PARD3B: variants seen among roughly 807,000 people sequenced by gnomAD.
The protein encoded by PARD3B is partitioning defective 3 homolog B.
A neutral mutation model predicts 130.2 loss-of-function variants in PARD3B; 103 were observed. The ratio of observed to expected loss-of-function variants is 0.79; its 90% confidence interval spans 0.67 to 0.93. PARD3B has a LOEUF of 0.93. Among genes scored for constraint, PARD3B ranks in the 40% least tolerant of loss-of-function variants. PARD3B has a pLI of 0.00. For missense variants in PARD3B, 1,609 were observed against 1,499.2 expected, an observed-to-expected ratio of 1.07 and a Z score of -1.21; for synonymous variants, 583 against 553.2, an observed-to-expected ratio of 1.05 and a Z score of -0.76.
intron 21 of PARD3B, among the ~76,000 whole-genome samples, chr2:205,509,986 C>T (rs573644593): frequency 6.6e-6 from 1 of 152,346 alleles, no homozygotes; most frequent in Admixed American, 6.5e-5. Flanking sequence ...CTCCTGTCCA[C>T]TCATCCTGTC....
At chr2:205,546,823 G>A (rs565089647) in intron 21 of PARD3B, among the ~76,000 whole-genome samples, 2 of 152,182 alleles carry the variant, frequency 1.3e-5, no homozygotes, top group East Asian at 3.9e-4. Flanking sequence ...CATGAATTAT[G>A]ATTTCTCCAT....
chr2:205,476,801 T>G (rs1051287439), intron 20 of PARD3B, among the ~76,000 whole-genome samples: 3 of 152,214 alleles, frequency 2.0e-5, no homozygotes, highest in Non-Finnish European at 4.4e-5. Context: ...AACAGTAATT[T>G]CATCTGCTGA....
intron 1 of PARD3B, among the ~76,000 whole-genome samples, chr2:204,562,831 AT>A (rs1037620483): frequency 0.016 from 2,335 of 148,616 alleles, 65 homozygotes; most frequent in African/African-American, 0.055. Flanking sequence ...AATAAAAAAA[AT>A]TTTTTTTTTT....
rs2029881124 is a variant in PARD3B, at chr2:204,545,780, G to T, written c.-220G>T. 2.2e-6 allele frequency: 1 copy of T among 463,016 alleles called. No individual in the cohort carries two copies. The highest frequency in any genetic ancestry group is 3.7e-6 in the Non-Finnish European group (1 of 269,202). The allele number at this position is 463,016 out of a possible 1,614,324, so 28.7% of individuals were successfully genotyped here. On this transcript the variant is annotated 5_prime_UTR_variant, in exon 1 of 23. Coordinates refer to ENST00000406610, the MANE Select transcript of PARD3B (RefSeq NM_001302769.2). ...TCCCGGGCCGCCGGGCACCTGGGAG[G>T]TAACCCCTTTCCGCGGCCGCCCCTC... is the stretch of plus-strand genomic sequence containing the variant.
rs751281115 is a variant in PARD3B at position 204,819,677 on chromosome 2, C to G, written c.222+133395C>G. Reference sequence around the variant, plus strand: ...AGCTAAACCTGTTGCACCAAACAGCCAAGATATGCATAGATAAAGTTCTCG... The same window carrying G: ...AGCTAAACCTGTTGCACCAAACAGCGAAGATATGCATAGATAAAGTTCTCG... On this transcript the variant is annotated intron_variant, in intron 2 of 22. Coordinates refer to ENST00000406610, the MANE Select transcript of PARD3B (RefSeq NM_001302769.2). 1.3e-5 allele frequency among the ~76,000 whole-genome samples: 2 copies of G among 152,084 alleles called. 1 individual carries two copies. The highest frequency in any genetic ancestry group is 4.1e-4 in the South Asian group (2 of 4,824).
Position 205,595,130 on chromosome 2 carries a change from G to C in PARD3B, c.3261-20326G>C, listed in dbSNP as rs1385152367. Among the ~76,000 whole-genome samples the C allele has an allele frequency of 2.9e-5, 4 of 139,554 alleles. No homozygotes were observed. In the South Asian group the frequency reaches 9.9e-4, roughly 34 times the overall value. The allele number at this position is 139,554 out of a possible 152,430, so 91.6% of individuals were successfully genotyped here. On this transcript the variant is annotated intron_variant, in intron 22 of 22. Transcript: ENST00000406610. ...TGAGGCTCAGGAAGGGTATTTTCAT[G>C]AAGTGCCTCGCACAATTCAAGCCCA... is the stretch of plus-strand genomic sequence containing the variant.
intron 21 of PARD3B, among the ~76,000 whole-genome samples, chr2:205,545,882 T>A (rs545597717): frequency 2.0e-5 from 3 of 152,324 alleles, no homozygotes; most frequent in African/African-American, 7.2e-5. Flanking sequence ...TGGGGAATAT[T>A]GGGAGGTTAA....
At chr2:205,548,870 C>T (rs1487978599) in intron 21 of PARD3B, among the ~76,000 whole-genome samples, 1 of 152,024 alleles carries the variant, frequency 6.6e-6, no homozygotes, top group Admixed American at 6.6e-5. Context: ...GCAAAACACA[C>T]ATCTGATAAT....
chr2:205,613,997 T>C (rs563550554), intron 22 of PARD3B, among the ~76,000 whole-genome samples: 74 of 152,320 alleles, frequency 4.9e-4, no homozygotes, highest in African/African-American at 1.4e-3. Context: ...TTCCCTTAAT[T>C]ATTGTTGTTG....
chr2:205,057,687 G>GTATA (rs143046413), intron 4 of PARD3B, among the ~76,000 whole-genome samples: 2 of 121,506 alleles, frequency 1.6e-5, no homozygotes, highest in Non-Finnish European at 3.5e-5. Flanking sequence ...ATGTGTATAC[G>GTATA]TACATATACA....
At chr2:204,577,337 A>T (rs1334744041) in intron 1 of PARD3B, among the ~76,000 whole-genome samples, 1 of 152,172 alleles carries the variant, frequency 6.6e-6, no homozygotes, top group East Asian at 1.9e-4. Flanking sequence ...TCCAGGAAAC[A>T]TTTACTATTA....
chr2:204,911,865 A>G (rs947748846), intron 2 of PARD3B, among the ~76,000 whole-genome samples: 26 of 152,112 alleles, frequency 1.7e-4, no homozygotes, highest in African/African-American at 6.3e-4. Flanking sequence ...TACTTTAAAT[A>G]TATACAACTT....
At chr2:205,139,974 G>T (rs918296512) in intron 10 of PARD3B, among the ~76,000 whole-genome samples, 2 of 152,198 alleles carry the variant, frequency 1.3e-5, no homozygotes, top group Non-Finnish European at 1.5e-5. Context: ...AATACTGATC[G>T]CATGTGAATG....
chr2:205,179,212 ATGTGTT>A (rs967810704), intron 13 of PARD3B, among the ~76,000 whole-genome samples: 1 of 152,184 alleles, frequency 6.6e-6, no homozygotes, highest in Non-Finnish European at 1.5e-5. Flanking sequence ...CAGCTGTACA[ATGTGTT>A]TGTGTTTTAA....
intron 4 of PARD3B, among the ~76,000 whole-genome samples, chr2:205,093,496 A>G (rs1480542106): frequency 6.6e-6 from 1 of 152,110 alleles, no homozygotes; most frequent in African/African-American, 2.4e-5. Context: ...GTGTTCAGGG[A>G]AAAAGTGGCT....
intron 18 of PARD3B, among the ~76,000 whole-genome samples, chr2:205,393,746 T>C (rs1574905295): frequency 6.6e-6 from 1 of 152,130 alleles, no homozygotes; most frequent in Non-Finnish European, 1.5e-5. Flanking sequence ...AGGAAAGTTG[T>C]AGATAGACAG....
At chr2:205,395,737 A>G (rs1001650155) in intron 18 of PARD3B, among the ~76,000 whole-genome samples, 2 of 152,254 alleles carry the variant, frequency 1.3e-5, no homozygotes, top group South Asian at 4.2e-4. Context: ...AGTCAGTTAA[A>G]TCACTGGTTT....
At chr2:204,592,045 A>C (rs2033092937) in intron 1 of PARD3B, among the ~76,000 whole-genome samples, 1 of 152,254 alleles carries the variant, frequency 6.6e-6, no homozygotes, top group East Asian at 1.9e-4. Context: ...AATGGAAGTC[A>C]AGGTGGACAG....
At chr2:204,646,347 T>C (rs1014723202) in intron 1 of PARD3B, among the ~76,000 whole-genome samples, 3 of 152,092 alleles carry the variant, frequency 2.0e-5, no homozygotes, top group African/African-American at 7.2e-5. Context: ...CTCTAAACAT[T>C]CAGTTTAGTT....
Sources: gnomAD v4.1 joint callset for allele counts (sites outside exome capture counted in the v4.1 genomes callset) on GRCh38, gnomAD v4.1.1 for gene constraint, MANE v1.5 for transcripts, NCBI Gene and HGNC (gene_info 2026-07-23, HGNC 2026-07-21) for gene names.